SGPP2: variants seen among roughly 807,000 people sequenced by gnomAD.
SGPP2 encodes sphingosine 1-phosphate phosphohydrolase 2.
A neutral mutation model predicts 33.9 loss-of-function variants in SGPP2; 30 were observed. The observed-to-expected ratio is 0.89, with a 90% CI of 0.66 to 1.20. The LOEUF (loss-of-function observed/expected upper bound fraction) is 1.20. Ranked by LOEUF, SGPP2 falls within the 50% of genes most tolerant of loss-of-function variation. SGPP2 has a pLI of 0.00. For missense variants in SGPP2, 458 were observed against 532.1 expected, an observed-to-expected ratio of 0.86 and a Z score of 1.37; for synonymous variants, 233 against 225.0, an observed-to-expected ratio of 1.04 and a Z score of -0.32.
chr2:222,520,004 G>A (rs1226026465), intron 2 of SGPP2, among the ~76,000 whole-genome samples: 1 of 152,166 alleles, frequency 6.6e-6, no homozygotes, highest in Non-Finnish European at 1.5e-5. Context: ...TTGGTAGAAT[G>A]ATCTATTTTC....
intron 4 of SGPP2, among the ~76,000 whole-genome samples, chr2:222,534,104 T>C (rs934885078): frequency 3.3e-5 from 5 of 152,236 alleles, no homozygotes; most frequent in Non-Finnish European, 7.3e-5. Context: ...CATGGCATTT[T>C]TCCTACTCTT....
At chr2:222,501,767 A>G (rs1194154597) in intron 2 of SGPP2, among the ~76,000 whole-genome samples, 1 of 152,178 alleles carries the variant, frequency 6.6e-6, no homozygotes, top group Non-Finnish European at 1.5e-5. Context: ...TCTCACTTTA[A>G]TATCTATGCT....
At chr2:222,541,592 T>C (rs938905798) in intron 4 of SGPP2, among the ~76,000 whole-genome samples, 1 of 104,886 alleles carries the variant, frequency 9.5e-6, no homozygotes, top group Non-Finnish European at 2.0e-5. Context: ...ATAAGAAAAC[T>C]ATTTTATTTA....
chr2:222,488,843 T>C (rs1245797652), intron 2 of SGPP2, among the ~76,000 whole-genome samples: 1 of 152,134 alleles, frequency 6.6e-6, no homozygotes, highest in Non-Finnish European at 1.5e-5. Flanking sequence ...AGATGTTAGG[T>C]TTTTGTTCCT....
At position 222,561,833 on chromosome 2, in the gene SGPP2, G is replaced by A. The variant is rs1387675829; in HGVS notation, c.*2935G>A. Among the ~76,000 whole-genome samples the A allele has an allele frequency of 9.2e-5, 3 of 32,776 alleles. No homozygotes were observed. Among genetic ancestry groups the A allele is most frequent in the Admixed American group, 3.6e-4 (1 of 2,768 alleles). The allele number at this position is 32,776 out of a possible 152,430, so 21.5% of individuals were successfully genotyped here. On this transcript the variant is annotated 3_prime_UTR_variant, in exon 5 of 5. Coordinates refer to ENST00000321276, the MANE Select transcript of SGPP2 (RefSeq NM_152386.4). ...GTGAGAATCAGACAAAAATTCATCG[G>A]GGTGAAAAAGGCATTACCTGATTCA...
intron 1 of SGPP2, among the ~76,000 whole-genome samples, chr2:222,450,028 G>A (rs1006378243): frequency 5.9e-5 from 9 of 152,278 alleles, no homozygotes; most frequent in East Asian, 1.9e-4. Flanking sequence ...ACATTTTTGT[G>A]TATCAACAAT....
chr2:222,432,747 T>C (rs954377215), intron 1 of SGPP2, among the ~76,000 whole-genome samples: 2 of 151,990 alleles, frequency 1.3e-5, no homozygotes, highest in African/African-American at 4.8e-5. Context: ...ATAGGCCAGA[T>C]ACGGTGGCTC....
intron 4 of SGPP2, among the ~76,000 whole-genome samples, chr2:222,533,294 C>CA (rs1698865769): frequency 6.6e-6 from 1 of 152,134 alleles, no homozygotes; most frequent in South Asian, 2.1e-4. Context: ...TCATGTATCC[C>CA]AGCTCCCGAC....
At chr2:222,484,115 T>A (rs1433091653) in intron 2 of SGPP2, among the ~76,000 whole-genome samples, 1 of 152,066 alleles carries the variant, frequency 6.6e-6, no homozygotes, top group Admixed American at 6.6e-5. Context: ...AGTGTAGGTT[T>A]AAAAAAAAGA....
intron 4 of SGPP2, among the ~76,000 whole-genome samples, chr2:222,533,882 C>A (rs145992561): frequency 6.6e-6 from 1 of 151,900 alleles, no homozygotes; most frequent in African/African-American, 2.4e-5. Flanking sequence ...ATAATAAGTC[C>A]GTGGCTGCAT....
chr2:222,470,889 GC>G (rs771517915), intron 1 of SGPP2, among the ~76,000 whole-genome samples: 1 of 152,186 alleles, frequency 6.6e-6, no homozygotes, highest in Non-Finnish European at 1.5e-5. Context: ...AACAGAACCT[GC>G]CGAGATTAGT....
rs555411270 is a variant in SGPP2, at chr2:222,523,483, C to T, written c.559-1461C>T. ...AAGAGAAAAGCAGCAAGTGGAGGCT[C>T]GCAGCAGGAAAACCACCACCATCAC... On this transcript the variant is annotated intron_variant, in intron 3 of 4. Coordinates refer to ENST00000321276, the MANE Select transcript of SGPP2 (RefSeq NM_152386.4). Among the ~76,000 whole-genome samples, 15 of 152,192 alleles carry T rather than the reference C, an allele frequency of 9.9e-5. No homozygotes were observed. The South Asian group carries it at 2.9e-3, about 29-fold the overall frequency.
intron 4 of SGPP2, among the ~76,000 whole-genome samples, chr2:222,531,253 T>C (rs1476840097): frequency 6.6e-6 from 1 of 152,128 alleles, no homozygotes; most frequent in Non-Finnish European, 1.5e-5. Flanking sequence ...AAAACTTCAA[T>C]TTGTAAAAAA....
chr2:222,518,693 G>T (rs1342828806), intron 2 of SGPP2, among the ~76,000 whole-genome samples: 1 of 152,212 alleles, frequency 6.6e-6, no homozygotes, highest in Admixed American at 6.5e-5. Flanking sequence ...CAGGAGAGTA[G>T]TTCCTGGTGG....
intron 3 of SGPP2, among the ~76,000 whole-genome samples, chr2:222,522,358 C>T (rs533134476): frequency 7.2e-5 from 11 of 152,188 alleles, no homozygotes; most frequent in Non-Finnish European, 1.6e-4. Flanking sequence ...ATCCCTCTGC[C>T]AGACTCCCCA....
chr2:222,464,479 G>A (rs1187964588), intron 1 of SGPP2, among the ~76,000 whole-genome samples: 1 of 152,044 alleles, frequency 6.6e-6, no homozygotes, highest in Non-Finnish European at 1.5e-5. Flanking sequence ...AAGTACAGAG[G>A]TTTTTTGTTC....
Position 222,486,097 on chromosome 2 carries a change from A to G in SGPP2, c.378+11371A>G, listed in dbSNP as rs1157250646. Among the ~76,000 whole-genome samples the G allele has an allele frequency of 2.4e-4, 36 of 152,192 alleles. 2 individuals are homozygous for G. The highest frequency in any genetic ancestry group is 2.4e-3 in the Admixed American group (36 of 15,282). On this transcript the variant is annotated intron_variant, in intron 2 of 4. Coordinates refer to ENST00000321276, the MANE Select transcript of SGPP2 (RefSeq NM_152386.4). ...CTCTCTTGTGGGTTTGGCTGCCACA[A>G]GATGCTTCTCAGGCTCTTTTGGTGT... is the stretch of plus-strand genomic sequence containing the variant.
intron 2 of SGPP2, among the ~76,000 whole-genome samples, chr2:222,518,392 G>C (rs1239499288): frequency 6.6e-6 from 1 of 152,184 alleles, no homozygotes; most frequent in Non-Finnish European, 1.5e-5. Context: ...AAGGTTTCCT[G>C]TTTCTGATGA....
intron 2 of SGPP2, among the ~76,000 whole-genome samples, chr2:222,485,113 G>A (rs1387620037): frequency 6.6e-6 from 1 of 152,168 alleles, no homozygotes; most frequent in African/African-American, 2.4e-5. Context: ...AATAGGTAGT[G>A]TTCATCCCTG....
Sources: allele counts gnomAD v4.1 joint callset (sites outside exome capture counted in the v4.1 genomes callset), GRCh38; gene constraint gnomAD v4.1.1; transcripts MANE v1.5; gene names NCBI Gene and HGNC (gene_info 2026-07-23, HGNC 2026-07-21).